The following CTNNA2 variants were observed in gnomAD, a reference collection of about 807,000 sequenced individuals.
The protein encoded by CTNNA2 is catenin alpha-2.
Under a neutral mutation model 101.0 loss-of-function variants are expected in CTNNA2, and 42 were observed. The observed-to-expected ratio is 0.42, with a 90% CI of 0.32 to 0.54. The LOEUF (loss-of-function observed/expected upper bound fraction) is 0.54. Among genes scored for constraint, CTNNA2 ranks in the 20% least tolerant of loss-of-function variants. CTNNA2 has a pLI of 0.14. For missense variants in CTNNA2, 871 were observed against 1,223.1 expected, an observed-to-expected ratio of 0.71 and a Z score of 4.29; for synonymous variants, 450 against 456.4, an observed-to-expected ratio of 0.99 and a Z score of 0.18.
intron 4 of CTNNA2, among the ~76,000 whole-genome samples, chr2:79,501,654 G>A (rs570979205): frequency 2.6e-5 from 4 of 152,288 alleles, no homozygotes; most frequent in African/African-American, 7.2e-5. Flanking sequence ...AAATTTCACT[G>A]TGGTCTTAAA....
intron 3 of CTNNA2, among the ~76,000 whole-genome samples, chr2:79,313,888 C>T (rs112129293): frequency 6.6e-5 from 10 of 152,206 alleles, no homozygotes; most frequent in African/African-American, 2.4e-4. Context: ...AGGAACTCTC[C>T]TCATATGACC....
intron 7 of CTNNA2, among the ~76,000 whole-genome samples, chr2:79,990,070 G>A (rs921811419): frequency 3.3e-5 from 5 of 152,160 alleles, no homozygotes; most frequent in African/African-American, 1.2e-4. Context: ...AGTGATTAGA[G>A]GCTGATGTGT....
At position 79,404,313 on chromosome 2, in the gene CTNNA2, T is replaced by A. The variant is rs1370890226; in HGVS notation, c.-135+30300T>A. 3.3e-5 allele frequency among the ~76,000 whole-genome samples: 5 copies of A among 152,162 alleles called. No individual in the cohort carries two copies. In the East Asian group the frequency reaches 7.8e-4, roughly 24 times the overall value. On this transcript the variant is annotated intron_variant, in intron 4 of 21. Transcript: ENST00000466387. ...CCTTTCTTTGTGACAGCAGATCTAC[T>A]GTTTTTCTTGTCCCCTCCCTCCCCA...
At chr2:79,572,706 C>T (rs1483832775) in intron 1 of CTNNA2, among the ~76,000 whole-genome samples, 2 of 152,110 alleles carry the variant, frequency 1.3e-5, no homozygotes, top group Non-Finnish European at 2.9e-5. Context: ...GAACCAAGAT[C>T]ACGCTGCTGC....
chr2:80,037,778 T>G (rs1358425366), intron 7 of CTNNA2, among the ~76,000 whole-genome samples: 1 of 152,188 alleles, frequency 6.6e-6, no homozygotes, highest in African/African-American at 2.4e-5. Flanking sequence ...TGTCATTCAT[T>G]CTGTAACTAA....
At chr2:79,692,235 A>G (rs983949261) in intron 2 of CTNNA2, among the ~76,000 whole-genome samples, 8 of 152,166 alleles carry the variant, frequency 5.3e-5, no homozygotes, top group Non-Finnish European at 8.8e-5. Context: ...TTCTCAAAGG[A>G]AGACATTTAT....
intron 7 of CTNNA2, among the ~76,000 whole-genome samples, chr2:79,950,729 C>T (rs1447005322): frequency 6.6e-6 from 1 of 152,198 alleles, no homozygotes; most frequent in African/African-American, 2.4e-5. Context: ...GTGTAGCAGG[C>T]ACTCGGGATT....
intron 18 of CTNNA2, among the ~76,000 whole-genome samples, chr2:80,634,706 G>A (rs753773550): frequency 6.6e-6 from 1 of 152,244 alleles, no homozygotes; most frequent in African/African-American, 2.4e-5. Context: ...AAGCCAGTAA[G>A]AGGTTCTGAG....
chr2:80,398,888 T>C (rs567436717), intron 8 of CTNNA2, among the ~76,000 whole-genome samples: 22 of 149,474 alleles, frequency 1.5e-4, no homozygotes, highest in African/African-American at 5.4e-4. Context: ...AAGAAAGAAA[T>C]GGAATCAGAA....
chr2:80,297,667 G>GA (rs1675866053), intron 7 of CTNNA2, among the ~76,000 whole-genome samples: 2 of 152,050 alleles, frequency 1.3e-5, no homozygotes, highest in Admixed American at 1.3e-4. Flanking sequence ...ATACTTTAAT[G>GA]GAAAAATACT....
At chr2:80,237,467 G>A (rs11893084) in intron 7 of CTNNA2, among the ~76,000 whole-genome samples, 2 of 152,140 alleles carry the variant, frequency 1.3e-5, no homozygotes, top group South Asian at 4.2e-4. Flanking sequence ...CTATACATAG[G>A]TGTAAGGAAA....
At chr2:79,340,833 C>CAAAAAAAAAAAAAAAAAAAAAAA (rs56276462) in intron 3 of CTNNA2, among the ~76,000 whole-genome samples, 2 of 32,534 alleles carry the variant, frequency 6.1e-5, no homozygotes, top group African/African-American at 1.2e-4. Context: ...GACTCAGTCT[C>CAAAAAAAAAAAAAAAAAAAAAAA]AAAAAAAAAA....
At chr2:79,406,999 G>A (rs1162973567) in intron 4 of CTNNA2, among the ~76,000 whole-genome samples, 1 of 151,924 alleles carries the variant, frequency 6.6e-6, no homozygotes, top group Non-Finnish European at 1.5e-5. Context: ...ACCTTCTTTT[G>A]TACCATACCA....
chr2:79,694,366 T>C (rs1191785716), intron 2 of CTNNA2, among the ~76,000 whole-genome samples: 2 of 151,988 alleles, frequency 1.3e-5, no homozygotes, highest in Non-Finnish European at 2.9e-5. Flanking sequence ...TTGGGCATCA[T>C]CGTGATTGCA....
intron 7 of CTNNA2, among the ~76,000 whole-genome samples, chr2:79,951,880 C>G (rs937926991): frequency 1.3e-5 from 2 of 152,098 alleles, no homozygotes; most frequent in African/African-American, 4.8e-5. Flanking sequence ...TCCTACAGTC[C>G]TACAGCTTCT....
intron 4 of CTNNA2, among the ~76,000 whole-genome samples, chr2:79,408,828 C>T (rs1454774306): frequency 1.3e-5 from 2 of 151,762 alleles, no homozygotes; most frequent in Non-Finnish European, 2.9e-5. Context: ...AATGGGATGG[C>T]TGGGTCAAAT....
intron 7 of CTNNA2, among the ~76,000 whole-genome samples, chr2:80,336,568 AC>A (rs1262711526): frequency 6.6e-6 from 1 of 152,204 alleles, no homozygotes; most frequent in African/African-American, 2.4e-5. Flanking sequence ...TAAAATTTAT[AC>A]ACAATGAATG....
chr2:80,400,862 C>T (rs943805964), intron 8 of CTNNA2, among the ~76,000 whole-genome samples: 2 of 152,186 alleles, frequency 1.3e-5, no homozygotes, highest in East Asian at 3.9e-4. Flanking sequence ...TCCTAGACCC[C>T]AGCCTCCTGG....
At chr2:80,046,314 G>A (rs556835654) in intron 7 of CTNNA2, among the ~76,000 whole-genome samples, 2 of 152,206 alleles carry the variant, frequency 1.3e-5, no homozygotes, top group African/African-American at 4.8e-5. Context: ...GCCCAAAAAT[G>A]CCTTTATTAA....
Sources: gnomAD v4.1 joint callset for allele counts (sites outside exome capture counted in the v4.1 genomes callset) on GRCh38, gnomAD v4.1.1 for gene constraint, MANE v1.5 for transcripts, NCBI Gene and HGNC (gene_info 2026-07-23, HGNC 2026-07-21) for gene names.